Variants in GRIA4 observed in about 807,000 individuals in gnomAD.
GRIA4 encodes glutamate ionotropic receptor AMPA type subunit 4, also known as glutamate receptor 4.
In GRIA4, 34 loss-of-function variants were observed where a neutral mutation model predicts 104.0. That is an observed-to-expected ratio of 0.33 (90% CI 0.25 to 0.44). The LOEUF is 0.44. Ranked by LOEUF, GRIA4 falls within the 20% of genes least tolerant of loss-of-function variation. The pLI is 1.00. For missense variants in GRIA4, 750 were observed against 1,096.5 expected, an observed-to-expected ratio of 0.68 and a Z score of 4.46; for synonymous variants, 386 against 381.9, an observed-to-expected ratio of 1.01 and a Z score of -0.13.
At chr11:105,846,958 C>T (rs893289739) in intron 4 of GRIA4, among the ~76,000 whole-genome samples, 4 of 152,214 alleles carry the variant, frequency 2.6e-5, no homozygotes, top group African/African-American at 9.7e-5. Context: ...CATCCAATAA[C>T]CCATTAGGGC....
At chr11:105,948,595 G>GTTTTTTTT (rs3060323) in intron 14 of GRIA4, among the ~76,000 whole-genome samples, 44 of 87,864 alleles carry the variant, frequency 5.0e-4, no homozygotes, top group Non-Finnish European at 6.3e-4. Flanking sequence ...TTTTCTTTTT[G>GTTTTTTTT]TTTTTTTTTT....
intron 3 of GRIA4, among the ~76,000 whole-genome samples, chr11:105,630,416 T>C (rs1299719561): frequency 6.6e-6 from 1 of 152,014 alleles, no homozygotes; most frequent in Non-Finnish European, 1.5e-5. Flanking sequence ...ATACAAAAAT[T>C]AGCCAGGCGT....
chr11:105,686,229 T>C (rs1952878050), intron 3 of GRIA4, among the ~76,000 whole-genome samples: 1 of 152,162 alleles, frequency 6.6e-6, no homozygotes, highest in Non-Finnish European at 1.5e-5. Context: ...CCTCCATCTC[T>C]CCCTTCTCTA....
At chr11:105,678,052 G>A (rs181490613) in intron 3 of GRIA4, among the ~76,000 whole-genome samples, 36 of 151,982 alleles carry the variant, frequency 2.4e-4, no homozygotes, top group Admixed American at 2.1e-3. Context: ...GTAGACACTC[G>A]ATAAATATTT....
chr11:105,726,632 G>A (rs1565495398), intron 3 of GRIA4, among the ~76,000 whole-genome samples: 1 of 152,092 alleles, frequency 6.6e-6, no homozygotes, highest in African/African-American at 2.4e-5. Context: ...ATACAGGAGA[G>A]CTCTGGCTGG....
intron 11 of GRIA4, among the ~76,000 whole-genome samples, chr11:105,919,833 A>C (rs1947511500): frequency 6.6e-6 from 1 of 152,202 alleles, no homozygotes; most frequent in Non-Finnish European, 1.5e-5. Context: ...ATTTCCTAAA[A>C]GCCAACTTAT....
At chr11:105,940,646 A>G (rs1012358468) in intron 14 of GRIA4, among the ~76,000 whole-genome samples, 1 of 152,182 alleles carries the variant, frequency 6.6e-6, no homozygotes, top group African/African-American at 2.4e-5. Context: ...CTAATGATAA[A>G]CATTTACTTG....
chr11:105,760,979 T>C (rs1940608352), intron 4 of GRIA4, among the ~76,000 whole-genome samples: 2 of 152,130 alleles, frequency 1.3e-5, no homozygotes, highest in Non-Finnish European at 2.9e-5. Flanking sequence ...TGAAATACAG[T>C]GCAAGACCTA....
intron 7 of GRIA4, among the ~76,000 whole-genome samples, chr11:105,903,044 C>T (rs890697391): frequency 1.3e-5 from 2 of 152,094 alleles, no homozygotes. Flanking sequence ...TCTTAATAAT[C>T]TTTTCTCAGA....
At chr11:105,669,762 C>CG (rs1365431276) in intron 3 of GRIA4, among the ~76,000 whole-genome samples, 1 of 152,130 alleles carries the variant, frequency 6.6e-6, no homozygotes, top group African/African-American at 2.4e-5. Context: ...TAAATAAACA[C>CG]TGTGTGTCAA....
intron 4 of GRIA4, among the ~76,000 whole-genome samples, chr11:105,826,101 G>C (rs527401279): frequency 4.5e-4 from 69 of 151,972 alleles, no homozygotes; most frequent in Non-Finnish European, 9.3e-4. Flanking sequence ...ATAACCTTCA[G>C]TTCCCCTTGA....
chr11:105,783,739 GTTA>G (rs1290108587), intron 4 of GRIA4, among the ~76,000 whole-genome samples: 1 of 134,660 alleles, frequency 7.4e-6, no homozygotes, highest in African/African-American at 2.8e-5. Flanking sequence ...GATTCTGGAT[GTTA>G]TTTGTGTGTG....
In GRIA4 at chr11:105,959,506, C is replaced by G. The variant is rs1043859402; in HGVS notation, c.2295-12408C>G. Among the ~76,000 whole-genome samples, 44 of 152,154 alleles carry G rather than the reference C, an allele frequency of 2.9e-4. 1 individual carries two copies. The highest frequency in any genetic ancestry group is 1.0e-3 in the African/African-American group (43 of 41,438). On this transcript the variant is annotated intron_variant, in intron 14 of 16. Transcript: ENST00000282499. Reference sequence around the variant, plus strand: ...TTATTCTAGTTAGCAATTCCTCTAACCTTTATCAAGGTTCTTAGCTTCTTT... The same window carrying G: ...TTATTCTAGTTAGCAATTCCTCTAAGCTTTATCAAGGTTCTTAGCTTCTTT...
At chr11:105,804,810 C>G (rs1422484409) in intron 4 of GRIA4, among the ~76,000 whole-genome samples, 2 of 151,922 alleles carry the variant, frequency 1.3e-5, no homozygotes, top group African/African-American at 4.8e-5. Flanking sequence ...TGTATGAAAG[C>G]CACTGGCAAG....
intron 3 of GRIA4, among the ~76,000 whole-genome samples, chr11:105,624,805 G>A (rs763067774): frequency 1.3e-5 from 2 of 151,936 alleles, no homozygotes; most frequent in Non-Finnish European, 2.9e-5. Context: ...CAACTAGGAA[G>A]CTCATTTCCA....
At chr11:105,939,307 A>G (rs1210841351) in intron 14 of GRIA4, among the ~76,000 whole-genome samples, 1 of 152,154 alleles carries the variant, frequency 6.6e-6, no homozygotes, top group Non-Finnish European at 1.5e-5. Context: ...TTACCACTAC[A>G]CTTAGAAGTT....
In GRIA4 at chr11:105,612,161, T is replaced by C. The variant is rs879151857; in HGVS notation, c.89-115T>C. On this transcript the variant is annotated intron_variant, in intron 2 of 16. Coordinates refer to ENST00000282499, the MANE Select transcript of GRIA4 (RefSeq NM_000829.4). ...GGGCAGTCTCCCTAGATGTGGCAGG[T>C]ATAGCTCTTTAATTGTATGTGCTTG... 3.5e-6 allele frequency: 3 copies of C among 863,980 alleles called. No individual in the cohort carries two copies. The African/African-American group carries it at 5.0e-5, about 15-fold the overall frequency. 53.5% of individuals were successfully genotyped at this position (863,980 alleles called of 1,614,324 possible). A position where few individuals can be genotyped will look rare whatever the true frequency, so the allele number is the denominator to read the frequency against.
chr11:105,812,921 G>A (rs1047088217), intron 4 of GRIA4, among the ~76,000 whole-genome samples: 3 of 151,822 alleles, frequency 2.0e-5, no homozygotes, highest in African/African-American at 7.3e-5. Context: ...CTAACATGGT[G>A]AAACCCCGTC....
chr11:105,809,664 G>A (rs1481015595), intron 4 of GRIA4, among the ~76,000 whole-genome samples: 1 of 152,066 alleles, frequency 6.6e-6, no homozygotes, highest in Non-Finnish European at 1.5e-5. Context: ...TCTTGGTGAA[G>A]AAGGCCTTGC....
Sources: allele counts gnomAD v4.1 joint callset (sites outside exome capture counted in the v4.1 genomes callset), GRCh38; gene constraint gnomAD v4.1.1; transcripts MANE v1.5; gene names NCBI Gene and HGNC (gene_info 2026-07-23, HGNC 2026-07-21).